Variants in EIF2AK1 observed in about 807,000 individuals in gnomAD.
EIF2AK1 encodes eukaryotic translation initiation factor 2 alpha kinase 1, also known as eukaryotic translation initiation factor 2-alpha kinase 1.
EIF2AK1 carries 54 observed loss-of-function variants against 77.9 expected under a neutral mutation model. The observed-to-expected ratio is 0.69, with a 90% CI of 0.56 to 0.87. The LOEUF is 0.87. Among genes scored for constraint, EIF2AK1 ranks in the 40% least tolerant of loss-of-function variants. The pLI is 0.00. For synonymous variants in EIF2AK1, 314 were observed against 290.5 expected (o/e 1.08, Z -0.82); for missense variants, 810 against 768.6 (o/e 1.05, Z -0.64).
At chr7:6,031,442 G>A (rs1476758807) in intron 11 of EIF2AK1, 1 of 1,550,646 alleles carries the variant, frequency 6.4e-7, no homozygotes, top group Non-Finnish European at 8.7e-7. Context: ...CCTGGAAGAT[G>A]GCCCATCTGC....
In EIF2AK1 at chr7:6,033,188, T is replaced by C. The variant is rs531220967; in HGVS notation, c.1333-4156A>G. 2.6e-5 allele frequency among the ~76,000 whole-genome samples: 4 copies of C among 152,166 alleles called. No individual in the cohort carries two copies. Among genetic ancestry groups the C allele is most frequent in the South Asian group, 2.1e-4 (1 of 4,816 alleles). On this transcript the variant is annotated intron_variant, in intron 11 of 14. Transcript: ENST00000199389. This position sits in a 1 kb window ranked among gnomAD's most constrained non-coding sequence, Gnocchi z 4.4. ...TTCACCATGTTGGCCAGGCTGGTCT[T>C]GAACTCCTGGCCTCAAGTGATCCAC...
At chr7:6,037,631 C>G (rs1788144788) in intron 10 of EIF2AK1, 107 bp from the exon 11 acceptor site, 3 of 727,246 alleles carry the variant, frequency 4.1e-6, no homozygotes, top group Non-Finnish European at 7.1e-6. Flanking sequence ...CACTTAAGAA[C>G]AATCTAGATT....
chr7:6,040,910 G>C lies in EIF2AK1; in HGVS notation c.1101C>G (p.Asn367Lys). 6.2e-7 allele frequency: 1 copy of C among 1,614,110 alleles called. No homozygotes were observed. The highest frequency in any genetic ancestry group is 8.5e-7 in the Non-Finnish European group (1 of 1,179,988). The change falls in exon 9 of 15, where the codon AAC becomes AAG. Residue 367 changes from asparagine to lysine, a missense_variant. Physicochemically the swap from Asn to Lys is moderately conservative, Grantham distance 94 (BLOSUM62 0). This residue lies in a region of EIF2AK1 where 549 missense variants were observed against 533.7 expected (regional missense o/e 1.03). Coordinates refer to ENST00000199389, the MANE Select transcript of EIF2AK1 (RefSeq NM_014413.4). ...AATCTACCTCTGTCTGACCCAAAAA[G>C]TTGACATTTTCTTCGGAAGATTCTT... ...STEESSEENV[N>K]FLGQTEAQYH...
At chr7:6,058,090 G>A (rs1233187139) in intron 1 of EIF2AK1, 6 of 454,892 alleles carry the variant, frequency 1.3e-5, no homozygotes, top group Non-Finnish European at 2.6e-5. Context: ...TAGCTACCCC[G>A]TATCTCCTAG....
intron 1 of EIF2AK1, among the ~76,000 whole-genome samples, chr7:6,056,613 A>AAAAAATATATATATATATATATATAT: frequency 2.3e-5 from 1 of 43,730 alleles, no homozygotes; most frequent in Non-Finnish European, 4.7e-5. Flanking sequence ...AAAAAAAAAA[A>AAAAAATATATATATATATATATATAT]ATATATATAT....
At chr7:6,043,105 T>C (rs1291795125) in intron 7 of EIF2AK1, 112 bp from the exon 8 acceptor site, 26 of 1,060,208 alleles carry the variant, frequency 2.5e-5, no homozygotes, top group Middle Eastern at 2.1e-4. Context: ...AGTCTAAAAA[T>C]GTCATGACCT....
At chr7:6,028,835 C>A in intron 12 of EIF2AK1, 83 bp downstream of exon 12, 1 of 1,439,812 alleles carries the variant, frequency 6.9e-7, no homozygotes, top group South Asian at 1.2e-5. Context: ...GCTATTAAAT[C>A]TTTATGATTC....
At position 6,033,209 on chromosome 7, in the gene EIF2AK1, T is replaced by A. The variant is rs746659564; in HGVS notation, c.1333-4177A>T. The stretch of plus-strand genomic sequence containing the variant: ...GTCTTGAACTCCTGGCCTCAAGTGA[T>A]CCACCTGCCTCGGCCTCCCAAAGTG... On this transcript the variant is annotated intron_variant, in intron 11 of 14. Transcript: ENST00000199389. This position sits in a 1 kb window ranked among gnomAD's most constrained non-coding sequence, Gnocchi z 4.4. Among the ~76,000 whole-genome samples, 3 of 152,120 alleles carry A rather than the reference T, an allele frequency of 2.0e-5. No homozygotes were observed. The highest frequency in any genetic ancestry group is 2.9e-5 in the Non-Finnish European group (2 of 68,030).
chr7:6,025,210 G>A (rs1583472137), intron 14 of EIF2AK1, among the ~76,000 whole-genome samples: 1 of 152,074 alleles, frequency 6.6e-6, no homozygotes, highest in South Asian at 2.1e-4. Flanking sequence ...AATAACTATG[G>A]TCTCTAATAG....
Position 6,027,319 on chromosome 7 carries a change from C to G in EIF2AK1, c.1531-358G>C, listed in dbSNP as rs56142633. On this transcript the variant is annotated intron_variant, in intron 13 of 14. Transcript: ENST00000199389. This position sits in a 1 kb window ranked among gnomAD's most constrained non-coding sequence, Gnocchi z 4.5. ...CAGCTGCGGGGGAGCCACAGAAGGTCGCGGGTTCTCCTCCGGTCTCACCTC... is the reference window on the plus strand; with the variant it reads ...CAGCTGCGGGGGAGCCACAGAAGGTGGCGGGTTCTCCTCCGGTCTCACCTC... 2.6e-5 allele frequency among the ~76,000 whole-genome samples: 4 copies of G among 152,194 alleles called. No individual in the cohort carries two copies. The highest frequency in any genetic ancestry group is 2.6e-4 in the Admixed American group (4 of 15,284).
At chr7:6,049,366 ACT>A (rs1451633516) in intron 3 of EIF2AK1, among the ~76,000 whole-genome samples, 2 of 151,840 alleles carry the variant, frequency 1.3e-5, no homozygotes, top group Non-Finnish European at 2.9e-5. Flanking sequence ...ACATGAAGAA[ACT>A]CTGTCTCTAC....
intron 11 of EIF2AK1, among the ~76,000 whole-genome samples, chr7:6,030,394 G>C (rs1052591730): frequency 6.6e-6 from 1 of 152,164 alleles, no homozygotes; most frequent in Non-Finnish European, 1.5e-5. Context: ...TACCAGACAC[G>C]TGACCTTGCA....
intron 2 of EIF2AK1, among the ~76,000 whole-genome samples, chr7:6,052,742 T>G (rs1170762622): frequency 6.7e-6 from 1 of 149,564 alleles, no homozygotes; most frequent in East Asian, 2.0e-4. Flanking sequence ...CCGAGGCGGG[T>G]GGATCACCAG....
intron 11 of EIF2AK1, among the ~76,000 whole-genome samples, chr7:6,034,013 G>A (rs62456200): frequency 0.36 from 54,890 of 151,154 alleles, 10,942 homozygotes; most frequent in Middle Eastern, 0.52. Context: ...CTATCCGAGT[G>A]AATGAAAGAA....
intron 11 of EIF2AK1, among the ~76,000 whole-genome samples, chr7:6,030,824 G>C (rs1331113456): frequency 2.6e-5 from 4 of 152,052 alleles, no homozygotes; most frequent in African/African-American, 9.7e-5. Flanking sequence ...AAAGCTCCCA[G>C]ATAACTCATA....
At position 6,024,512 on chromosome 7, in the gene EIF2AK1, T is replaced by C. The variant is rs143591109; in HGVS notation, c.*161A>G. 5.2e-3 allele frequency: 7,511 copies of C among 1,435,186 alleles called. 59 individuals are homozygous for C. Among genetic ancestry groups the C allele is most frequent in the Middle Eastern group, 0.026 (139 of 5,316 alleles). The allele number at this position is 1,435,186 out of a possible 1,614,324, so 88.9% of individuals were successfully genotyped here. On this transcript the variant is annotated 3_prime_UTR_variant, in exon 15 of 15. Coordinates refer to ENST00000199389, the MANE Select transcript of EIF2AK1 (RefSeq NM_014413.4). ...GGTAGGAAATTCAGGAAAAGGAGCTTGTGGGGCAGGAAGGGAAGGAACGGC... is the reference window on the plus strand; with the variant it reads ...GGTAGGAAATTCAGGAAAAGGAGCTCGTGGGGCAGGAAGGGAAGGAACGGC...
intron 11 of EIF2AK1, among the ~76,000 whole-genome samples, chr7:6,030,897 C>T (rs62456190): frequency 0.36 from 55,109 of 152,004 alleles, 10,993 homozygotes; most frequent in Middle Eastern, 0.52. Context: ...GCAAAGAGTA[C>T]AGACCCAAAA....
chr7:6,042,818 A>G lies in EIF2AK1; in HGVS notation c.791+115T>C, dbSNP rs544458268. 1.2e-4 allele frequency: 99 copies of G among 794,888 alleles called. 1 individual carries two copies. In the Admixed American group the frequency reaches 1.6e-3, roughly 13 times the overall value. The allele number at this position is 794,888 out of a possible 1,614,324, so 49.2% of individuals were successfully genotyped here. ...GAGGCGGAGGTTGCAGTGAGCCAAG[A>G]TTGTGCCACTGCACTCTAGTCTGGG... is the stretch of plus-strand genomic sequence containing the variant. On this transcript the variant is annotated intron_variant, in intron 8 of 14. Transcript: ENST00000199389.
intron 14 of EIF2AK1, among the ~76,000 whole-genome samples, chr7:6,025,039 A>G (rs1323014308): frequency 6.6e-6 from 1 of 151,910 alleles, no homozygotes; most frequent in Non-Finnish European, 1.5e-5. Context: ...AGGTTTCGCC[A>G]TGTTGGCCAG....
Sources: allele counts gnomAD v4.1 joint callset (sites outside exome capture counted in the v4.1 genomes callset), GRCh38; gene constraint gnomAD v4.1.1; regional missense constraint gnomAD v4.1.1; non-coding constraint Gnocchi (gnomAD v3.1); transcripts MANE v1.5; gene names NCBI Gene and HGNC (gene_info 2026-07-23, HGNC 2026-07-21).